The following STOX2 variants were observed in gnomAD, a reference collection of about 807,000 sequenced individuals.
STOX2 encodes storkhead box 2, also known as storkhead-box protein 2.
In STOX2, 28 loss-of-function variants were observed where a neutral mutation model predicts 60.9. The ratio of observed to expected loss-of-function variants is 0.46; its 90% CI spans 0.34 to 0.63. The LOEUF (loss-of-function observed/expected upper bound fraction) is 0.63. Among genes scored for constraint, STOX2 ranks in the 30% least tolerant of loss-of-function variants. The pLI is 0.01. For missense variants in STOX2, 1,024 were observed against 1,187.7 expected, an observed-to-expected ratio of 0.86 and a Z score of 2.03; for synonymous variants, 472 against 463.9, an observed-to-expected ratio of 1.02 and a Z score of -0.22.
Position 184,011,661 on chromosome 4 carries a change from T to C in STOX2, c.2585+238T>C. The C allele has an allele frequency of 3.4e-6, 5 of 1,478,132 alleles. No individual in the cohort carries two copies. Among genetic ancestry groups the C allele is most frequent in the African/African-American group, 2.8e-5 (2 of 71,526 alleles). The allele number at this position is 1,478,132 out of a possible 1,614,324, so 91.6% of individuals were successfully genotyped here. A position where few individuals can be genotyped will look rare whatever the true frequency, so the allele number is the denominator to read the frequency against. On this transcript the variant is annotated intron_variant, in intron 3 of 3. Coordinates refer to ENST00000308497, the MANE Select transcript of STOX2 (RefSeq NM_020225.3). The surrounding 1 kb of genome is among the most constrained non-coding windows in gnomAD (Gnocchi z 4.4). ...GTGGGTTGGCTCCTCCCCTCAAACTTGCATCAGTCTGATCTAACTAAAACC... is the reference window on the plus strand; with the variant it reads ...GTGGGTTGGCTCCTCCCCTCAAACTCGCATCAGTCTGATCTAACTAAAACC...
chr4:184,007,476 A>G (rs1265997252), intron 2 of STOX2, among the ~76,000 whole-genome samples: 2 of 152,192 alleles, frequency 1.3e-5, no homozygotes, highest in Non-Finnish European at 2.9e-5. Flanking sequence ...TGTGCCAGGC[A>G]CTGCTCCACA....
At chr4:183,813,993 T>C (rs993592025) in intron 1 of STOX2, among the ~76,000 whole-genome samples, 2 of 152,166 alleles carry the variant, frequency 1.3e-5, no homozygotes, top group Non-Finnish European at 2.9e-5. Flanking sequence ...AAGATAATAT[T>C]GCAAAATTTT....
intron 1 of STOX2, among the ~76,000 whole-genome samples, chr4:183,899,548 C>T (rs892709293): frequency 1.3e-5 from 2 of 152,204 alleles, no homozygotes; most frequent in African/African-American, 2.4e-5. Flanking sequence ...AAGACCAAGC[C>T]AGTTACAACA....
At chr4:183,866,255 CG>C (rs1204723685) in intron 1 of STOX2, among the ~76,000 whole-genome samples, 1 of 152,128 alleles carries the variant, frequency 6.6e-6, no homozygotes, top group Non-Finnish European at 1.5e-5. Context: ...AAGCCCACCC[CG>C]AGCCTGTTCT....
chr4:184,006,878 T>C (rs931861692), intron 2 of STOX2, among the ~76,000 whole-genome samples: 11 of 148,662 alleles, frequency 7.4e-5, no homozygotes, highest in African/African-American at 1.2e-4. Flanking sequence ...TAGCTGGGCG[T>C]AGTGGCGGGC....
chr4:183,950,373 A>T (rs992458459), intron 1 of STOX2, among the ~76,000 whole-genome samples: 3 of 152,210 alleles, frequency 2.0e-5, no homozygotes, highest in Admixed American at 6.5e-5. Flanking sequence ...CTCAGACTCA[A>T]ACATGAAGGA....
At chr4:183,985,517 A>T (rs1732804782) in intron 1 of STOX2, among the ~76,000 whole-genome samples, 1 of 152,112 alleles carries the variant, frequency 6.6e-6, no homozygotes, top group Non-Finnish European at 1.5e-5. Context: ...CCAGTACTTA[A>T]CTTTCAGAGT....
At position 184,017,487 on chromosome 4, in the gene STOX2, C is replaced by T. The variant is rs1461345500; in HGVS notation, c.*203C>T. The T allele has an allele frequency of 3.9e-6, 2 of 519,472 alleles. No homozygotes were observed. The highest frequency in any genetic ancestry group is 6.8e-6 in the Non-Finnish European group (2 of 295,416). 32.2% of individuals were successfully genotyped at this position (519,472 alleles called of 1,614,324 possible). ...GCTTTTCACATTTATGGCTCTGTAG[C>T]AACTGAGTAACAGTAGGGGTGATAT... On this transcript the variant is annotated 3_prime_UTR_variant, in exon 4 of 4. Transcript: ENST00000308497.
intron 1 of STOX2, among the ~76,000 whole-genome samples, chr4:183,872,105 G>A (rs1740706504): frequency 6.6e-6 from 1 of 152,082 alleles, no homozygotes; most frequent in Non-Finnish European, 1.5e-5. Flanking sequence ...GCCCAGGTTG[G>A]AGTATAGTGG....
intron 1 of STOX2, among the ~76,000 whole-genome samples, chr4:183,985,620 A>G (rs1732809096): frequency 6.6e-6 from 1 of 152,198 alleles, no homozygotes; most frequent in Admixed American, 6.5e-5. Flanking sequence ...AATTATGACT[A>G]CATTTTTATT....
chr4:183,801,063 C>T (rs1477914385), intron 1 of STOX2, among the ~76,000 whole-genome samples: 1 of 152,206 alleles, frequency 6.6e-6, no homozygotes, highest in Non-Finnish European at 1.5e-5. Context: ...ATTTTGGTGC[C>T]TGTAATTCCA....
intron 2 of STOX2, among the ~76,000 whole-genome samples, chr4:184,002,567 C>T (rs1282613886): frequency 6.6e-6 from 1 of 152,204 alleles, no homozygotes; most frequent in African/African-American, 2.4e-5. Context: ...TCCATCTGTA[C>T]CCATCCGATT....
At chr4:183,962,065 T>C (rs1743429500) in intron 1 of STOX2, among the ~76,000 whole-genome samples, 1 of 152,228 alleles carries the variant, frequency 6.6e-6, no homozygotes, top group South Asian at 2.1e-4. Flanking sequence ...TTCTGTTACC[T>C]TCATTTCTCT....
intron 2 of STOX2, among the ~76,000 whole-genome samples, chr4:184,007,255 C>T (rs192861743): frequency 5.3e-5 from 8 of 152,220 alleles, no homozygotes; most frequent in South Asian, 2.1e-4. Flanking sequence ...TATGTTACCG[C>T]GCATTCACGG....
intron 1 of STOX2, among the ~76,000 whole-genome samples, chr4:183,866,769 G>A (rs575754478): frequency 9.9e-5 from 15 of 152,238 alleles, no homozygotes; most frequent in Admixed American, 3.3e-4. Context: ...GTCCCAGCAC[G>A]TTGGGAGGCC....
chr4:183,900,424 C>T (rs1741437094), upstream of STOX2, among the ~76,000 whole-genome samples: 1 of 152,090 alleles, frequency 6.6e-6, no homozygotes, highest in Non-Finnish European at 1.5e-5. Context: ...AAGGATTCAC[C>T]ATTCTAGATG....
At chr4:183,958,557 A>G (rs1307222068) in intron 1 of STOX2, among the ~76,000 whole-genome samples, 1 of 151,926 alleles carries the variant, frequency 6.6e-6, no homozygotes, top group East Asian at 1.9e-4. Context: ...ATCTGCTTTC[A>G]TCTTCCCTCT....
chr4:183,861,396 G>A (rs1004378486), intron 1 of STOX2, among the ~76,000 whole-genome samples: 6 of 152,182 alleles, frequency 3.9e-5, no homozygotes, highest in Non-Finnish European at 8.8e-5. Flanking sequence ...TTGTTGCACT[G>A]TAATGTTCAT....
chr4:183,920,790 T>A (rs1212169860), intron 1 of STOX2, among the ~76,000 whole-genome samples: 1 of 152,194 alleles, frequency 6.6e-6, no homozygotes, highest in African/African-American at 2.4e-5. Context: ...TTAGTCGTCT[T>A]AATTGGCTTA....
Sources: gnomAD v4.1 joint callset for allele counts (sites outside exome capture counted in the v4.1 genomes callset) on GRCh38, gnomAD v4.1.1 for gene constraint, Gnocchi (gnomAD v3.1) non-coding constraint, MANE v1.5 for transcripts, NCBI Gene and HGNC (gene_info 2026-07-23, HGNC 2026-07-21) for gene names.